The following CDC25C variants were observed in gnomAD, a reference collection of about 807,000 sequenced individuals.
CDC25C encodes cell division cycle 25C.
A neutral mutation model predicts 52.5 loss-of-function variants in CDC25C; 48 were observed. The observed-to-expected ratio is 0.91, with a 90% CI of 0.72 to 1.16. CDC25C has a LOEUF of 1.16. CDC25C is among the 50% of genes most tolerant of loss of function. The pLI is 0.00. For missense variants in CDC25C, 510 were observed against 566.1 expected, an observed-to-expected ratio of 0.90 and a Z score of 1.01; for synonymous variants, 187 against 206.5, an observed-to-expected ratio of 0.91 and a Z score of 0.81.
In CDC25C at chr5:138,318,484, TG is replaced by T. The variant is rs11567977; in HGVS notation, c.615+734del. Among the ~76,000 whole-genome samples the T allele has an allele frequency of 4.7e-3, 721 of 152,112 alleles. 2 individuals are homozygous for T. Among genetic ancestry groups the T allele is most frequent in the Non-Finnish European group, 8.2e-3 (560 of 67,996 alleles). On this transcript the variant is annotated intron_variant, in intron 7 of 13. Transcript: ENST00000323760. ...ATCCCAGCACTTTGGAAGCCTGAGG[TG>T]GGTAGATCACCTGAGGCCAGGAGTT...
chr5:138,334,548 C>T (rs942211235), upstream of CDC25C, among the ~76,000 whole-genome samples: 4 of 151,780 alleles, frequency 2.6e-5, no homozygotes, highest in Admixed American at 6.6e-5. Context: ...GACAGGGTTT[C>T]GCTGTGTTGG....
chr5:138,331,814 C>A (rs1760414689), upstream of CDC25C: 12 of 986,050 alleles, frequency 1.2e-5, no homozygotes, highest in Non-Finnish European at 1.4e-5. Context: ...TATCAACAGC[C>A]GCAGGCGTTG....
chr5:138,287,081 G>A, intron 11 of CDC25C, 88 bp downstream of exon 11: 2 of 841,188 alleles, frequency 2.4e-6, no homozygotes, highest in Non-Finnish European at 3.9e-6. Context: ...CCTGACTCTA[G>A]AGTTCATAGA....
chr5:138,314,300 C>CTT (rs570387449), intron 7 of CDC25C, among the ~76,000 whole-genome samples: 3 of 138,224 alleles, frequency 2.2e-5, no homozygotes, highest in Non-Finnish European at 3.1e-5. Context: ...TTCATAGCAC[C>CTT]TTTTTTTTTT....
intron 7 of CDC25C, among the ~76,000 whole-genome samples, chr5:138,310,346 T>G (rs1758351755): frequency 6.6e-6 from 1 of 152,192 alleles, no homozygotes; most frequent in South Asian, 2.1e-4. Context: ...ATCATCTTAC[T>G]AGGCTTTTAG....
At position 138,299,491 on chromosome 5, in the gene CDC25C, G is replaced by A. The variant is rs1470324550; in HGVS notation, c.616-7375C>T. On this transcript the variant is annotated intron_variant, in intron 7 of 13. Coordinates refer to ENST00000323760, the MANE Select transcript of CDC25C (RefSeq NM_001790.5). ...AGCCTGGGGGACAGAGCAAGACTCC[G>A]TCTCAAAAAAAAAAAAAAAAAGAAA... Among the ~76,000 whole-genome samples the A allele has an allele frequency of 1.1e-4, 8 of 72,498 alleles. No homozygotes were observed. In the South Asian group the frequency reaches 1.9e-3, roughly 17 times the overall value. The allele number at this position is 72,498 out of a possible 152,430, so 47.6% of individuals were successfully genotyped here. A position where few individuals can be genotyped will look rare whatever the true frequency, so the allele number is the denominator to read the frequency against.
intron 7 of CDC25C, among the ~76,000 whole-genome samples, chr5:138,318,452 G>A (rs544274540): frequency 5.9e-5 from 9 of 152,264 alleles, no homozygotes; most frequent in East Asian, 1.9e-4. Flanking sequence ...GGTGGCTCAC[G>A]CTTGCAATCC....
intron 7 of CDC25C, among the ~76,000 whole-genome samples, chr5:138,305,383 A>G (rs1383053564): frequency 5.3e-5 from 8 of 152,212 alleles, no homozygotes; most frequent in Admixed American, 3.3e-4. Context: ...TTACACTTGG[A>G]CTATTTGCAA....
chr5:138,293,722 C>T (rs1756930762), intron 7 of CDC25C, among the ~76,000 whole-genome samples: 1 of 150,784 alleles, frequency 6.6e-6, no homozygotes, highest in Non-Finnish European at 1.5e-5. Context: ...TCTTAGCTCA[C>T]TGCAACCTCT....
upstream of CDC25C, among the ~76,000 whole-genome samples, chr5:138,336,356 C>A (rs879412157): frequency 5.3e-5 from 8 of 152,072 alleles, no homozygotes; most frequent in Admixed American, 3.3e-4. Flanking sequence ...TGGTCTCGAA[C>A]TCCTGACCTC....
Position 138,326,661 on chromosome 5 carries a change from A to G in CDC25C, c.336-607T>C, listed in dbSNP as rs547394816. ...CGGCCGGGGCTAACTTTTTAAAAAA[A>G]TTTAATTTCTGGCGGGGCGCTGTGG... On this transcript the variant is annotated intron_variant, in intron 4 of 13. Coordinates refer to ENST00000323760, the MANE Select transcript of CDC25C (RefSeq NM_001790.5). Among the ~76,000 whole-genome samples the G allele has an allele frequency of 1.8e-4, 27 of 152,244 alleles. No individual in the cohort carries two copies. The South Asian group carries it at 4.8e-3, about 27-fold the overall frequency.
chr5:138,331,247 A>G, intron 1 of CDC25C, 29 bp from the exon 2 acceptor site: 1 of 1,434,010 alleles, frequency 7.0e-7, no homozygotes, highest in Non-Finnish European at 9.8e-7. Flanking sequence ...CTAAATCGGT[A>G]CATCACAGTT....
chr5:138,304,110 C>T (rs1757825840), intron 7 of CDC25C, among the ~76,000 whole-genome samples: 1 of 152,180 alleles, frequency 6.6e-6, no homozygotes. Flanking sequence ...ACAGCCTGCA[C>T]CCAACCCTTC....
At chr5:138,319,757 A>G (rs966080153) in intron 6 of CDC25C, among the ~76,000 whole-genome samples, 54 of 152,356 alleles carry the variant, frequency 3.5e-4, no homozygotes, top group African/African-American at 1.1e-3. Flanking sequence ...AAGATATACA[A>G]ATGGCCCATA....
At chr5:138,305,300 C>G (rs1395066965) in intron 7 of CDC25C, among the ~76,000 whole-genome samples, 1 of 152,202 alleles carries the variant, frequency 6.6e-6, no homozygotes, top group Non-Finnish European at 1.5e-5. Flanking sequence ...TTGTGGAGAT[C>G]TTCCCTTATT....
At chr5:138,331,526 G>A (rs1329851288) in intron 1 of CDC25C, 69 bp downstream of exon 1, 18 of 1,086,832 alleles carry the variant, frequency 1.7e-5, no homozygotes, top group Non-Finnish European at 2.1e-5. Flanking sequence ...GTCTGTGGGG[G>A]CCCGACTGGA....
In CDC25C at chr5:138,324,796, C is replaced by G. The variant is rs1057506708; in HGVS notation, c.459+1019G>C. Among the ~76,000 whole-genome samples, 5 of 151,734 alleles carry G rather than the reference C, an allele frequency of 3.3e-5. No individual in the cohort carries two copies. The East Asian group carries it at 9.7e-4, about 30-fold the overall frequency. On this transcript the variant is annotated intron_variant, in intron 6 of 13. Coordinates refer to ENST00000323760, the MANE Select transcript of CDC25C (RefSeq NM_001790.5). ...GAAAAAAAAGTGATTATAGGCCAGG[C>G]AGTGGCTCACACCTGTAATCTCAGC...
At chr5:138,328,619 C>T (rs570298650) in intron 3 of CDC25C, 90 bp from the exon 4 acceptor site, 16 of 1,065,052 alleles carry the variant, frequency 1.5e-5, no homozygotes, top group African/African-American at 1.1e-4. Context: ...ACCAGTAAGC[C>T]GTATTAATTT....
intron 7 of CDC25C, among the ~76,000 whole-genome samples, chr5:138,313,996 T>TC (rs1554117972): frequency 7.8e-5 from 5 of 63,758 alleles, no homozygotes; most frequent in African/African-American, 2.5e-4. Context: ...TCTTTCTTTC[T>TC]TTTTTTTTTT....
Sources: gnomAD v4.1 joint callset for allele counts (sites outside exome capture counted in the v4.1 genomes callset) on GRCh38, gnomAD v4.1.1 for gene constraint, MANE v1.5 for transcripts, NCBI Gene and HGNC (gene_info 2026-07-23, HGNC 2026-07-21) for gene names.